Variants in DPP10 observed in about 807,000 individuals in gnomAD.
DPP10 encodes inactive dipeptidyl peptidase 10.
DPP10 carries 33 observed loss-of-function variants against 120.9 expected under a neutral mutation model. The ratio of observed to expected loss-of-function variants is 0.27; its 90% CI spans 0.21 to 0.37. The LOEUF (loss-of-function observed/expected upper bound fraction) is 0.37, where lower values mean the gene tolerates loss of function less well. Among genes scored for constraint, DPP10 ranks in the 10% least tolerant of loss-of-function variants. DPP10 has a pLI of 1.00. For synonymous variants in DPP10, 337 were observed against 326.1 expected (o/e 1.03, Z -0.36); for missense variants, 816 against 942.8 (o/e 0.87, Z 1.76).
intron 1 of DPP10, among the ~76,000 whole-genome samples, chr2:114,715,644 T>A (rs927057264): frequency 6.6e-6 from 1 of 152,096 alleles, no homozygotes; most frequent in Non-Finnish European, 1.5e-5. Context: ...ATAAAGCTAC[T>A]GTTAATCAGA....
intron 1 of DPP10, among the ~76,000 whole-genome samples, chr2:114,938,704 C>T (rs1696667762): frequency 6.9e-6 from 1 of 145,878 alleles, no homozygotes; most frequent in African/African-American, 2.5e-5. Flanking sequence ...CTTCCTTTTG[C>T]AAATTGCCCA....
At chr2:114,686,479 C>T (rs1330550471) in intron 1 of DPP10, among the ~76,000 whole-genome samples, 2 of 151,800 alleles carry the variant, frequency 1.3e-5, no homozygotes, top group Non-Finnish European at 2.9e-5. Flanking sequence ...AGAGCTAAAA[C>T]TGAGGACATC....
At chr2:114,659,258 G>C (rs1366337749) in intron 1 of DPP10, among the ~76,000 whole-genome samples, 1 of 152,092 alleles carries the variant, frequency 6.6e-6, no homozygotes, top group Non-Finnish European at 1.5e-5. Context: ...TGGCAGGAGG[G>C]TTTCAGAGTC....
At chr2:115,009,065 C>G (rs1332894296) in intron 1 of DPP10, among the ~76,000 whole-genome samples, 1 of 91,962 alleles carries the variant, frequency 1.1e-5, no homozygotes, top group East Asian at 3.1e-4. Flanking sequence ...TTGACCCAGC[C>G]ATCCCATTAC....
At chr2:115,547,958 C>G (rs1048741116) in intron 5 of DPP10, among the ~76,000 whole-genome samples, 1 of 151,890 alleles carries the variant, frequency 6.6e-6, no homozygotes, top group East Asian at 1.9e-4. Context: ...GCTTAATAAC[C>G]CAATTAGACT....
intron 5 of DPP10, among the ~76,000 whole-genome samples, chr2:115,597,512 A>G (rs1157135491): frequency 6.6e-6 from 1 of 150,600 alleles, no homozygotes; most frequent in Non-Finnish European, 1.5e-5. Context: ...AAGAGAAAAA[A>G]CATAAAGGTC....
chr2:115,417,501 A>G (rs2069536327), intron 3 of DPP10, among the ~76,000 whole-genome samples: 1 of 152,206 alleles, frequency 6.6e-6, no homozygotes, highest in South Asian at 2.1e-4. Context: ...ATAGTAAACT[A>G]TTTTATACCA....
intron 1 of DPP10, among the ~76,000 whole-genome samples, chr2:114,509,309 T>G (rs1683942701): frequency 6.6e-6 from 1 of 152,200 alleles, no homozygotes; most frequent in African/African-American, 2.4e-5. Flanking sequence ...TTATGAAGAT[T>G]TGTTGAATCC....
intron 5 of DPP10, among the ~76,000 whole-genome samples, chr2:115,559,354 G>C (rs1264896097): frequency 6.6e-6 from 1 of 152,146 alleles, no homozygotes; most frequent in African/African-American, 2.4e-5. Context: ...CACTTTTAAA[G>C]TGGCTTTTAA....
rs1558726922 is a variant in DPP10 at position 114,773,419 on chromosome 2, TCAA to T, written c.60+330584_60+330586del. 8.0e-3 allele frequency among the ~76,000 whole-genome samples: 1,179 copies of T among 148,026 alleles called. 33 individuals are homozygous for T. The highest frequency in any genetic ancestry group is 0.028 in the African/African-American group (1,128 of 40,188). ...ACTTTTAGTTTATACAAATTATAACTCAACAGACCTGACTTTTTAAATGAACAC... is the reference window on the plus strand; with the variant it reads ...ACTTTTAGTTTATACAAATTATAACTCAGACCTGACTTTTTAAATGAACAC... On this transcript the variant is annotated intron_variant, in intron 1 of 25. Coordinates refer to ENST00000410059, the MANE Select transcript of DPP10 (RefSeq NM_020868.6).
chr2:115,762,507 A>C (rs1000635444), intron 11 of DPP10, 65 bp from the exon 12 acceptor site: 2 of 1,585,822 alleles, frequency 1.3e-6, no homozygotes, highest in African/African-American at 2.7e-5. Context: ...GTTTTAAAAA[A>C]GTTAAATTTA....
chr2:115,194,209 T>C (rs2055086048), intron 1 of DPP10, among the ~76,000 whole-genome samples: 1 of 152,132 alleles, frequency 6.6e-6, no homozygotes, highest in African/African-American at 2.4e-5. Context: ...ATCTGCGGGT[T>C]ACTGGGTTAA....
intron 1 of DPP10, among the ~76,000 whole-genome samples, chr2:114,602,193 A>G (rs1174400961): frequency 6.6e-6 from 1 of 151,952 alleles, no homozygotes; most frequent in African/African-American, 2.4e-5. Flanking sequence ...CCAAAAGAAA[A>G]AAATGATGGT....
chr2:115,456,562 A>G (rs890696321), intron 3 of DPP10, among the ~76,000 whole-genome samples: 3 of 152,180 alleles, frequency 2.0e-5, no homozygotes, highest in African/African-American at 7.2e-5. Context: ...AACCAGCCCA[A>G]ATGCCCATCA....
intron 1 of DPP10, among the ~76,000 whole-genome samples, chr2:114,553,220 G>A (rs1030856875): frequency 6.6e-6 from 1 of 152,136 alleles, no homozygotes; most frequent in African/African-American, 2.4e-5. Context: ...TGTGGCATTC[G>A]TCTCTTCCTC....
At chr2:114,568,981 G>T (rs1689419131) in intron 1 of DPP10, among the ~76,000 whole-genome samples, 1 of 152,116 alleles carries the variant, frequency 6.6e-6, no homozygotes, top group Non-Finnish European at 1.5e-5. Context: ...AACTGTAGGA[G>T]GTTTTATATT....
Position 115,333,223 on chromosome 2 carries a change from T to G in DPP10, c.176-10594T>G, listed in dbSNP as rs572645388. ...GATCTTTGTTGGTTTAAAGTCTGTT[T>G]TATCAGACACTAGGATTACAACCCC... On this transcript the variant is annotated intron_variant, in intron 2 of 25. Coordinates refer to ENST00000410059, the MANE Select transcript of DPP10 (RefSeq NM_020868.6). Among the ~76,000 whole-genome samples the G allele has an allele frequency of 2.6e-5, 4 of 152,298 alleles. No individual in the cohort carries two copies. In the East Asian group the frequency reaches 5.8e-4, roughly 22 times the overall value.
Position 115,365,865 on chromosome 2 carries a change from A to C in DPP10, c.271+21953A>C, listed in dbSNP as rs948029267. On this transcript the variant is annotated intron_variant, in intron 3 of 25. Coordinates refer to ENST00000410059, the MANE Select transcript of DPP10 (RefSeq NM_020868.6). ...AAAATAAATGAATCCTGGGATGACT[A>C]TGGTTTGTCTCAAGGTCAAAAGCTG... Among the ~76,000 whole-genome samples the C allele has an allele frequency of 2.0e-5, 3 of 151,996 alleles. No homozygotes were observed. The East Asian group carries it at 5.8e-4, about 29-fold the overall frequency.
chr2:115,135,830 T>G (rs2050624205), intron 1 of DPP10, among the ~76,000 whole-genome samples: 1 of 152,140 alleles, frequency 6.6e-6, no homozygotes, highest in African/African-American at 2.4e-5. Flanking sequence ...GCTTCCATCT[T>G]AAGGATCAAA....
Sources: gnomAD v4.1 joint callset for allele counts (sites outside exome capture counted in the v4.1 genomes callset) on GRCh38, gnomAD v4.1.1 for gene constraint, MANE v1.5 for transcripts, NCBI Gene and HGNC (gene_info 2026-07-23, HGNC 2026-07-21) for gene names.